CDH10: variants seen among roughly 807,000 people sequenced by gnomAD.
CDH10 encodes the protein cadherin 10.
In CDH10, 30 loss-of-function variants were observed where a neutral mutation model predicts 73.1. The ratio of observed to expected loss-of-function variants is 0.41; its 90% confidence interval spans 0.31 to 0.56. The LOEUF is 0.56. Among genes scored for constraint, CDH10 ranks in the 20% least tolerant of loss-of-function variants. The pLI, the probability that CDH10 is intolerant of heterozygous loss-of-function variation, is 0.27. For missense variants in CDH10, 815 were observed against 973.7 expected, an observed-to-expected ratio of 0.84 and a Z score of 2.17; for synonymous variants, 345 against 348.2, an observed-to-expected ratio of 0.99 and a Z score of 0.10.
chr5:24,520,955 A>G (rs1743306451), intron 5 of CDH10, among the ~76,000 whole-genome samples: 1 of 143,840 alleles, frequency 7.0e-6, no homozygotes. Context: ...TCCTGACCTC[A>G]GGTGATCCAC....
chr5:24,500,449 T>C (rs1272520862), intron 8 of CDH10, among the ~76,000 whole-genome samples: 1 of 152,258 alleles, frequency 6.6e-6, no homozygotes, highest in Non-Finnish European at 1.5e-5. Context: ...GTCGTCAGGT[T>C]CTAACTTCTT....
At chr5:24,551,230 C>G (rs1426849596) in intron 2 of CDH10, among the ~76,000 whole-genome samples, 1 of 152,140 alleles carries the variant, frequency 6.6e-6, no homozygotes, top group Non-Finnish European at 1.5e-5. Flanking sequence ...GAATGAGACT[C>G]ACTCCCTCAC....
chr5:24,504,299 G>A (rs1742602270), intron 8 of CDH10, among the ~76,000 whole-genome samples: 1 of 151,882 alleles, frequency 6.6e-6, no homozygotes, highest in Non-Finnish European at 1.5e-5. Context: ...GTGAGGCCAA[G>A]AAAATTCCAT....
chr5:24,581,373 G>A (rs570793805), intron 2 of CDH10, among the ~76,000 whole-genome samples: 3 of 152,256 alleles, frequency 2.0e-5, no homozygotes, highest in South Asian at 2.1e-4. Context: ...CACCTTCTCC[G>A]TGAGGAAGCA....
At chr5:24,554,119 G>GGAGA (rs71605680) in intron 2 of CDH10, 2 of 39,780 alleles carry the variant, frequency 5.0e-5, no homozygotes, top group African/African-American at 8.2e-5. Context: ...GGCGGGGGGG[G>GGAGA]GAGAGAGAGA....
chr5:24,495,729 C>T (rs1742255557), intron 9 of CDH10, among the ~76,000 whole-genome samples: 2 of 152,050 alleles, frequency 1.3e-5, no homozygotes, highest in Middle Eastern at 3.4e-3. Context: ...CACCTGCAGT[C>T]CCAGCTACTT....
chr5:24,491,863 G>A (rs1457340500), intron 10 of CDH10, 36 bp from the exon 11 acceptor site: 30 of 1,436,008 alleles, frequency 2.1e-5, no homozygotes, highest in Non-Finnish European at 2.7e-5. Flanking sequence ...AATGGTTTGG[G>A]ATAGTAAATT....
intron 1 of CDH10, among the ~76,000 whole-genome samples, chr5:24,629,397 G>T (rs898030159): frequency 6.6e-6 from 1 of 152,028 alleles, no homozygotes; most frequent in African/African-American, 2.4e-5. Context: ...TTAGGGTGAG[G>T]CCAGTTGTAT....
chr5:24,577,301 C>A (rs957485384), intron 2 of CDH10, among the ~76,000 whole-genome samples: 1 of 152,024 alleles, frequency 6.6e-6, no homozygotes, highest in Non-Finnish European at 1.5e-5. Flanking sequence ...AAAATGATCG[C>A]AAGAGGGGAA....
At chr5:24,604,793 A>C (rs1470233429) in intron 1 of CDH10, among the ~76,000 whole-genome samples, 1 of 150,482 alleles carries the variant, frequency 6.6e-6, no homozygotes, top group African/African-American at 2.5e-5. Flanking sequence ...GAATCGTTTG[A>C]AGCCGGGAGG....
intron 11 of CDH10, among the ~76,000 whole-genome samples, 171 bp downstream of exon 11, chr5:24,491,405 G>A (rs891790660): frequency 1.2e-4 from 18 of 151,696 alleles, no homozygotes; most frequent in South Asian, 2.1e-4. Flanking sequence ...TTATATATTC[G>A]TATATATTCC....
At chr5:24,559,652 G>A (rs1475057878) in intron 2 of CDH10, among the ~76,000 whole-genome samples, 1 of 151,946 alleles carries the variant, frequency 6.6e-6, no homozygotes, top group Non-Finnish European at 1.5e-5. Flanking sequence ...CACAACTGAT[G>A]AGTCTGCATG....
chr5:24,578,289 CT>C, intron 2 of CDH10: 2 of 216,896 alleles, frequency 9.2e-6, no homozygotes, highest in Admixed American at 9.7e-5. Context: ...AGAGTTCACC[CT>C]TTTAAGCTAA....
At chr5:24,511,209 T>C in intron 6 of CDH10, 118 bp downstream of exon 6, 3 of 718,362 alleles carry the variant, frequency 4.2e-6, no homozygotes. Flanking sequence ...ACAGTATAAA[T>C]TACATTGCTG....
chr5:24,528,614 G>A (rs573506516), intron 5 of CDH10, among the ~76,000 whole-genome samples: 52 of 152,080 alleles, frequency 3.4e-4, no homozygotes, highest in African/African-American at 1.2e-3. Context: ...GAGGTCAGTC[G>A]TGTTTGGTCC....
At chr5:24,616,352 C>T (rs1337103800) in intron 1 of CDH10, among the ~76,000 whole-genome samples, 2 of 152,042 alleles carry the variant, frequency 1.3e-5, no homozygotes, top group Admixed American at 6.6e-5. Flanking sequence ...ATGGTTAACA[C>T]TGTAATTTTT....
Position 24,510,865 on chromosome 5 carries a change from G to A in CDH10, c.1002+462C>T, listed in dbSNP as rs115818843. Among the ~76,000 whole-genome samples, 163 of 152,206 alleles carry A rather than the reference G, an allele frequency of 1.1e-3. 1 individual carries two copies. The highest frequency in any genetic ancestry group is 3.4e-3 in the African/African-American group (140 of 41,528). On this transcript the variant is annotated intron_variant, in intron 6 of 11. Transcript: ENST00000264463. ...AAGAGTTTAATTTATACAGCAGAAGGGAAAATGTGAACAATTAAATTATGT... is the reference window on the plus strand; with the variant it reads ...AAGAGTTTAATTTATACAGCAGAAGAGAAAATGTGAACAATTAAATTATGT...
At chr5:24,501,988 C>G (rs1266080789) in intron 8 of CDH10, among the ~76,000 whole-genome samples, 3 of 151,928 alleles carry the variant, frequency 2.0e-5, no homozygotes, top group African/African-American at 2.4e-5. Context: ...GCGCAATCTC[C>G]GCTCACTGCA....
chr5:24,633,214 G>A (rs1055038039), intron 1 of CDH10, among the ~76,000 whole-genome samples: 1 of 151,430 alleles, frequency 6.6e-6, no homozygotes, highest in Non-Finnish European at 1.5e-5. Context: ...GAAAATAATT[G>A]TATTATTTTC....
Sources: allele counts gnomAD v4.1 joint callset (sites outside exome capture counted in the v4.1 genomes callset), GRCh38; gene constraint gnomAD v4.1.1; transcripts MANE v1.5; gene names NCBI Gene and HGNC (gene_info 2026-07-23, HGNC 2026-07-21).